Variants in DCAF4 observed in about 807,000 individuals in gnomAD.
The protein encoded by DCAF4 is DDB1- and CUL4-associated factor 4.
A neutral mutation model predicts 60.9 loss-of-function variants in DCAF4; 37 were observed. That is an observed-to-expected ratio of 0.61 (90% confidence interval 0.47 to 0.80). The LOEUF (loss-of-function observed/expected upper bound fraction) is 0.80, where lower values mean the gene tolerates loss of function less well. Ranked by LOEUF, DCAF4 falls within the 30% of genes least tolerant of loss-of-function variation. The pLI is 0.00. For missense variants in DCAF4, 577 were observed against 650.0 expected (o/e 0.89, Z 1.22); for synonymous variants, 243 against 254.8 (o/e 0.95, Z 0.44).
chr14:72,960,583 C>T, downstream of DCAF4: 1 of 1,052,628 alleles, frequency 9.5e-7, no homozygotes, highest in Non-Finnish European at 1.2e-6. Context: ...TCTGTATTCT[C>T]TTTCCCACAT....
chr14:72,944,409 T>C (rs1442683625), intron 6 of DCAF4, among the ~76,000 whole-genome samples: 2 of 152,192 alleles, frequency 1.3e-5, no homozygotes, highest in African/African-American at 4.8e-5. Context: ...TCTGTATTTA[T>C]TAATATATAC....
intron 1 of DCAF4, among the ~76,000 whole-genome samples, chr14:72,932,333 A>T (rs1888685792): frequency 6.6e-6 from 1 of 152,186 alleles, no homozygotes. Context: ...TGATTTTGGT[A>T]ACAAGGTAAT....
rs772852176 is a variant in DCAF4 at position 72,954,448 on chromosome 14, A to G, written c.970A>G (p.Asn324Asp). ...VTGHRQSFGTNSDVLAQQFAL... is the reference protein window; with the variant it reads ...VTGHRQSFGTDSDVLAQQFAL... ...GGGACACCGGCAGTCCTTTGGGACC[A>G]ACAGTGATGTCTTGGCCCAGCAGTT... Residue 324 changes from asparagine (N) to aspartate (D), a missense_variant, in exon 11 of 14, where the codon AAC becomes GAC. Coordinates refer to ENST00000358377, the MANE Select transcript of DCAF4 (RefSeq NM_015604.4). 7 of 1,614,110 alleles carry G rather than the reference A, an allele frequency of 4.3e-6. No individual in the cohort carries two copies. Among genetic ancestry groups the G allele is most frequent in the South Asian group, 2.2e-5 (2 of 91,092 alleles).
chr14:72,940,582 C>T (rs1161807033), intron 4 of DCAF4: 4 of 383,722 alleles, frequency 1.0e-5, no homozygotes, highest in Middle Eastern at 6.7e-4. Flanking sequence ...TTTTCTTGTT[C>T]GATAAGTTGT....
chr14:72,953,227 C>G (rs1045192300), intron 9 of DCAF4, among the ~76,000 whole-genome samples: 10 of 148,624 alleles, frequency 6.7e-5, no homozygotes, highest in Non-Finnish European at 1.2e-4. Context: ...CTCGAACTCC[C>G]GACCTCAGGT....
At chr14:72,949,597 A>C (rs1423636236) in intron 8 of DCAF4, among the ~76,000 whole-genome samples, 1 of 152,142 alleles carries the variant, frequency 6.6e-6, no homozygotes, top group East Asian at 1.9e-4. Context: ...TCTACTAAAA[A>C]TACAAAAATT....
At position 72,953,726 on chromosome 14, in the gene DCAF4, AAAAAAAAT is replaced by A. The variant is rs1298171827; in HGVS notation, c.809-436_809-429del. 5.5e-4 allele frequency among the ~76,000 whole-genome samples: 25 copies of A among 45,848 alleles called. 2 individuals are homozygous for A. The highest frequency in any genetic ancestry group is 1.1e-3 in the African/African-American group (10 of 9,130). The allele number at this position is 45,848 out of a possible 152,430, so 30.1% of individuals were successfully genotyped here. ...CCCTGTCTTAAAAAAAAAAAAAAAA[AAAAAAAAT>A]ATATATATATATATATATATATATA... On this transcript the variant is annotated intron_variant, in intron 9 of 13. Coordinates refer to ENST00000358377, the MANE Select transcript of DCAF4 (RefSeq NM_015604.4).
chr14:72,948,565 CCTCA>C (rs1258828241), intron 8 of DCAF4, among the ~76,000 whole-genome samples: 2 of 152,120 alleles, frequency 1.3e-5, no homozygotes, highest in Non-Finnish European at 2.9e-5. Context: ...AAAACAAGAA[CCTCA>C]CTCACATTTC....
rs980126192 is a variant in DCAF4 at position 72,958,764 on chromosome 14, A to G, written c.1447A>G (p.Met483Val). Residue 483 changes from methionine to valine, a missense_variant, in exon 14 of 14, where the codon ATG becomes GTG. Physicochemically the swap from Met to Val is conservative, Grantham distance 21. Transcript: ENST00000358377. ...CTCCCGGGGCGCGCCGGGGCTGCTC[A>G]TGGCTGTCGGGCAGGACCTTTACTG... ...GGSRGAPGLL[M>V]AVGQDLYCYS... 101 of 1,602,988 alleles carry G rather than the reference A, an allele frequency of 6.3e-5. No individual in the cohort carries two copies. Among genetic ancestry groups the G allele is most frequent in the Non-Finnish European group, 8.3e-5 (97 of 1,174,682 alleles).
chr14:72,950,144 T>C (rs556224552), intron 8 of DCAF4, among the ~76,000 whole-genome samples: 6 of 152,192 alleles, frequency 3.9e-5, no homozygotes, highest in African/African-American at 1.2e-4. Flanking sequence ...GGGGTTGTGA[T>C]TGTGGAGTCA....
At chr14:72,940,138 G>C in intron 3 of DCAF4, 82 bp from the exon 4 acceptor site, 1 of 1,553,658 alleles carries the variant, frequency 6.4e-7, no homozygotes, top group Non-Finnish European at 8.8e-7. Flanking sequence ...CCACGAGGTG[G>C]GGGGACAGGC....
At chr14:72,938,991 C>T (rs1034886290) in intron 2 of DCAF4, among the ~76,000 whole-genome samples, 15 of 152,022 alleles carry the variant, frequency 9.9e-5, no homozygotes. Flanking sequence ...GCCTCAGCCT[C>T]CCAAAGTGCT....
At chr14:72,930,927 A>T (rs1245605674) in intron 1 of DCAF4, among the ~76,000 whole-genome samples, 1 of 152,148 alleles carries the variant, frequency 6.6e-6, no homozygotes, top group Admixed American at 6.6e-5. Flanking sequence ...AGATAGGCAT[A>T]TGGGTTTATT....
rs774567508 is a variant in DCAF4 at position 72,940,400 on chromosome 14, C to T, written c.351+23C>T. 3 of 1,592,240 alleles carry T rather than the reference C, an allele frequency of 1.9e-6. No individual in the cohort carries two copies. In the South Asian group the frequency reaches 3.4e-5, roughly 18 times the overall value. On this transcript the variant is annotated intron_variant, in intron 4 of 13. Coordinates refer to ENST00000358377, the MANE Select transcript of DCAF4 (RefSeq NM_015604.4). Reference sequence around the variant, plus strand: ...AAGGTGGGCTCCTCACCCCTTCGCCCCCTGTCCTCTCCGCTCCTGCCAGCA... The same window carrying T: ...AAGGTGGGCTCCTCACCCCTTCGCCTCCTGTCCTCTCCGCTCCTGCCAGCA...
rs1365293644 is a variant in DCAF4, at chr14:72,946,017, C to T, written c.668C>T (p.Thr223Ile). 12 of 1,614,038 alleles carry T rather than the reference C, an allele frequency of 7.4e-6. No homozygotes were observed. The highest frequency in any genetic ancestry group is 9.3e-6 in the Non-Finnish European group (11 of 1,180,028). Reference sequence around the variant, plus strand: ...TTCATGCACGAAAACCTCTACTTCACCAACCGGAAGGTACGTTGCCCATCC... The same window carrying T: ...TTCATGCACGAAAACCTCTACTTCATCAACCGGAAGGTACGTTGCCCATCC... ...KVFMHENLYF[T>I]NRKVNSVCWA... Residue 223 changes from threonine (T) to isoleucine (I), a missense_variant, in exon 7 of 14, where the codon ACC becomes ATC. By Grantham distance (89) the Thr-to-Ile change is moderately conservative. Coordinates refer to ENST00000358377, the MANE Select transcript of DCAF4 (RefSeq NM_015604.4).
chr14:72,927,466 C>G (rs944469809), intron 1 of DCAF4, among the ~76,000 whole-genome samples: 16 of 151,894 alleles, frequency 1.1e-4, no homozygotes, highest in African/African-American at 2.7e-4. Flanking sequence ...ATTCTCCTGC[C>G]TCAGCTTCCC....
intron 5 of DCAF4, 173 bp from the exon 6 acceptor site, chr14:72,942,821 A>C: frequency 1.6e-6 from 1 of 607,520 alleles, no homozygotes; most frequent in Non-Finnish European, 2.9e-6. Flanking sequence ...TTCTGTGGGG[A>C]AACTCAAATT....
chr14:72,927,135 T>C (rs910952831), intron 1 of DCAF4, among the ~76,000 whole-genome samples: 1 of 152,200 alleles, frequency 6.6e-6, no homozygotes, highest in Non-Finnish European at 1.5e-5. Flanking sequence ...AGTTGTGAGT[T>C]AGCGAGAAAG....
intron 9 of DCAF4, among the ~76,000 whole-genome samples, chr14:72,952,139 C>T (rs1397953459): frequency 4.6e-5 from 7 of 152,194 alleles, no homozygotes; most frequent in African/African-American, 1.2e-4. Flanking sequence ...CAGATTCGGA[C>T]GCCCGTGCAC....
Sources: allele counts gnomAD v4.1 joint callset (sites outside exome capture counted in the v4.1 genomes callset), GRCh38; gene constraint gnomAD v4.1.1; transcripts MANE v1.5; gene names NCBI Gene and HGNC (gene_info 2026-07-23, HGNC 2026-07-21).